HECW2: variants seen among roughly 807,000 people sequenced by gnomAD.
HECW2 encodes E3 ubiquitin-protein ligase HECW2.
Under a neutral mutation model 175.2 loss-of-function variants are expected in HECW2, and 61 were observed. The observed-to-expected ratio is 0.35, with a 90% CI of 0.28 to 0.43. The LOEUF (loss-of-function observed/expected upper bound fraction) is 0.43, where lower values mean the gene tolerates loss of function less well. Among genes scored for constraint, HECW2 ranks in the 20% least tolerant of loss-of-function variants. The probability of loss-of-function intolerance (pLI) is 1.00; values close to 1 mark genes in which losing one functional copy is unlikely to be tolerated. For synonymous variants in HECW2, 671 were observed against 731.0 expected (o/e 0.92, Z 1.32); for missense variants, 1,524 against 2,000.5 (o/e 0.76, Z 4.54).
Position 196,337,775 on chromosome 2 carries a change from C to T in HECW2, c.401-3257G>A, listed in dbSNP as rs1262603662. Among the ~76,000 whole-genome samples, 4 of 151,172 alleles carry T rather than the reference C, an allele frequency of 2.6e-5. No individual in the cohort carries two copies. In the East Asian group the frequency reaches 5.8e-4, roughly 22 times the overall value. ...TAGGAAAAGGGAAAGGCATCCTGTA[C>T]GAACCTGTAAGGACCTGATATCGGC... On this transcript the variant is annotated intron_variant, in intron 3 of 28. Coordinates refer to ENST00000644978, the MANE Select transcript of HECW2 (RefSeq NM_001348768.2).
intron 13 of HECW2, among the ~76,000 whole-genome samples, chr2:196,293,233 A>T (rs912619444): frequency 1.3e-5 from 2 of 152,150 alleles, no homozygotes; most frequent in African/African-American, 4.8e-5. Context: ...GCTCCCACTT[A>T]TAAGTGAGAA....
At chr2:196,354,556 T>C (rs1442336026) in intron 2 of HECW2, among the ~76,000 whole-genome samples, 3 of 152,224 alleles carry the variant, frequency 2.0e-5, no homozygotes, top group Non-Finnish European at 4.4e-5. Flanking sequence ...TATCTTCTTT[T>C]GATTATATGA....
intron 19 of HECW2, among the ~76,000 whole-genome samples, chr2:196,248,621 C>CAG (rs1410907463): frequency 2.3e-4 from 32 of 138,264 alleles, no homozygotes; most frequent in African/African-American, 8.0e-4. Flanking sequence ...CACACACACA[C>CAG]ACACACACAC....
chr2:196,266,361 A>C (rs897247740), intron 17 of HECW2, among the ~76,000 whole-genome samples: 6 of 152,032 alleles, frequency 3.9e-5, no homozygotes, highest in Non-Finnish European at 8.8e-5. Context: ...AAGAAAAAAA[A>C]AAAGGTGTCT....
At chr2:196,229,234 C>A (rs1364158207) in intron 21 of HECW2, among the ~76,000 whole-genome samples, 1 of 151,952 alleles carries the variant, frequency 6.6e-6, no homozygotes, top group Admixed American at 6.6e-5. Flanking sequence ...TTTTCTTCTC[C>A]TTCTTCCTCT....
chr2:196,592,229 C>G (rs74880620), intron 1 of HECW2, among the ~76,000 whole-genome samples: 2 of 152,080 alleles, frequency 1.3e-5, no homozygotes, highest in Admixed American at 6.5e-5. Context: ...TAAAGGCCCC[C>G]GAAGTTTGCA....
At chr2:196,546,926 C>G (rs868616102) in intron 1 of HECW2, among the ~76,000 whole-genome samples, 11 of 151,712 alleles carry the variant, frequency 7.3e-5, no homozygotes, top group Non-Finnish European at 8.8e-5. Context: ...GCATATACAA[C>G]TGCAGAGAAA....
chr2:196,367,876 T>TGTGTGTGTGTGTGTGTGTG lies in HECW2; in HGVS notation c.293-24113_293-24112insCACACACACACACACACAC, dbSNP rs1553508124. Among the ~76,000 whole-genome samples, 155 of 144,996 alleles carry TGTGTGTGTGTGTGTGTGTG rather than the reference T, an allele frequency of 1.1e-3. 1 individual carries two copies. Among genetic ancestry groups the TGTGTGTGTGTGTGTGTGTG allele is most frequent in the African/African-American group, 3.7e-3 (140 of 38,088 alleles). On this transcript the variant is annotated intron_variant, in intron 2 of 28. Coordinates refer to ENST00000644978, the MANE Select transcript of HECW2 (RefSeq NM_001348768.2). ...CCATTGTGTGTGTGTGTGTGTGTGTTTGTGTGTGTGTGTGTGTATGGTACA... is the reference window on the plus strand; with the variant it reads ...CCATTGTGTGTGTGTGTGTGTGTGTTGTGTGTGTGTGTGTGTGTGTGTGTGTGTGTGTGTGTATGGTACA...
rs151131190 is a variant in HECW2, at chr2:196,537,916, T to C, written c.-36+55592A>G. Among the ~76,000 whole-genome samples the C allele has an allele frequency of 3.7e-3, 565 of 152,340 alleles. 1 individual carries two copies. Among genetic ancestry groups the C allele is most frequent in the African/African-American group, 0.012 (517 of 41,572 alleles). On this transcript the variant is annotated intron_variant, in intron 1 of 28. Coordinates refer to ENST00000644978, the MANE Select transcript of HECW2 (RefSeq NM_001348768.2). ...ATACCAGCATTGTAGCTAGGGAACC[T>C]CCTACTCTGTCTGTGGAGTAGCTGT...
chr2:196,459,884 C>G (rs10205407), intron 1 of HECW2, among the ~76,000 whole-genome samples: 32,831 of 151,906 alleles, frequency 0.22, 4,026 homozygotes, highest in African/African-American at 0.34. Flanking sequence ...AACCATGGGT[C>G]CCCTGGTGAA....
intron 2 of HECW2, among the ~76,000 whole-genome samples, chr2:196,425,107 C>T (rs1035204402): frequency 6.6e-6 from 1 of 152,014 alleles, no homozygotes; most frequent in Admixed American, 6.6e-5. Context: ...TCTGTTGGCA[C>T]TCTAGAAATG....
rs111722687 is a variant in HECW2, at chr2:196,482,306, C to T, written c.-35-48848G>A. ...AAGTTATTGGACTGACGGTGCCAACCCAGAGGTGGCGGGCCTGAGCCAGGC... is the reference window on the plus strand; with the variant it reads ...AAGTTATTGGACTGACGGTGCCAACTCAGAGGTGGCGGGCCTGAGCCAGGC... On this transcript the variant is annotated intron_variant, in intron 1 of 28. Coordinates refer to ENST00000644978, the MANE Select transcript of HECW2 (RefSeq NM_001348768.2). Among the ~76,000 whole-genome samples, 103 of 152,314 alleles carry T rather than the reference C, an allele frequency of 6.8e-4. 3 individuals are homozygous for T. The highest frequency in any genetic ancestry group is 3.4e-3 in the Middle Eastern group (1 of 294).
chr2:196,515,734 T>C (rs1260070949), intron 1 of HECW2, among the ~76,000 whole-genome samples: 1 of 152,194 alleles, frequency 6.6e-6, no homozygotes, highest in Non-Finnish European at 1.5e-5. Flanking sequence ...GGAAAGTTAA[T>C]ATCCTGTGGT....
intron 18 of HECW2, among the ~76,000 whole-genome samples, chr2:196,255,038 T>C (rs1689003019): frequency 6.6e-6 from 1 of 151,652 alleles, no homozygotes; most frequent in Non-Finnish European, 1.5e-5. Context: ...AGTGGCACAA[T>C]GTTGGCTCAC....
chr2:196,207,541 C>T (rs1017682335), intron 28 of HECW2, among the ~76,000 whole-genome samples: 1 of 152,210 alleles, frequency 6.6e-6, no homozygotes, highest in African/African-American at 2.4e-5. Flanking sequence ...CCCTGACCTT[C>T]ACCAGGTGTT....
At chr2:196,275,346 A>T (rs1689902916) in intron 15 of HECW2, among the ~76,000 whole-genome samples, 1 of 152,258 alleles carries the variant, frequency 6.6e-6, no homozygotes, top group African/African-American at 2.4e-5. Context: ...TGATTATCTA[A>T]AGGTATATTT....
intron 2 of HECW2, among the ~76,000 whole-genome samples, chr2:196,390,182 T>C (rs989404306): frequency 6.6e-6 from 1 of 152,124 alleles, no homozygotes; most frequent in Non-Finnish European, 1.5e-5. Context: ...TATTCATGAA[T>C]ACCTGAGGCT....
At chr2:196,218,574 G>T (rs576045314) in intron 26 of HECW2, among the ~76,000 whole-genome samples, 2 of 152,236 alleles carry the variant, frequency 1.3e-5, no homozygotes, top group East Asian at 3.9e-4. Context: ...AGCACTTTGG[G>T]AGGCCAAGGC....
In HECW2 at chr2:196,366,797, C is replaced by T. The variant is rs563694166; in HGVS notation, c.293-23033G>A. Among the ~76,000 whole-genome samples the T allele has an allele frequency of 4.9e-4, 74 of 152,148 alleles. 1 individual carries two copies. Among genetic ancestry groups the T allele is most frequent in the African/African-American group, 1.7e-3 (71 of 41,512 alleles). Reference sequence around the variant, plus strand: ...AATATTAAGGGGTTTAAATACAATCCCCCTTCTCTAATTCAATTTATAACT... The same window carrying T: ...AATATTAAGGGGTTTAAATACAATCTCCCTTCTCTAATTCAATTTATAACT... On this transcript the variant is annotated intron_variant, in intron 2 of 28. Coordinates refer to ENST00000644978, the MANE Select transcript of HECW2 (RefSeq NM_001348768.2).
Sources: allele counts gnomAD v4.1 joint callset (sites outside exome capture counted in the v4.1 genomes callset), GRCh38; gene constraint gnomAD v4.1.1; transcripts MANE v1.5; gene names NCBI Gene and HGNC (gene_info 2026-07-23, HGNC 2026-07-21).